GORASP2: variants seen among roughly 807,000 people sequenced by gnomAD.
GORASP2 encodes the protein golgi reassembly stacking protein 2.
Under a neutral mutation model 45.7 loss-of-function variants are expected in GORASP2, and 22 were observed. That is an observed-to-expected ratio of 0.48 (90% CI 0.34 to 0.69). GORASP2 has a LOEUF of 0.69. Ranked by LOEUF, GORASP2 falls within the 30% of genes least tolerant of loss-of-function variation. GORASP2 has a pLI of 0.01. For synonymous variants in GORASP2, 221 were observed against 215.6 expected (o/e 1.02, Z -0.22); for missense variants, 491 against 562.7 (o/e 0.87, Z 1.29).
rs568785435 is a variant in GORASP2 at position 170,964,239 on chromosome 2, AGCACCATG to A, written c.1018+1295_1018+1302del. Among the ~76,000 whole-genome samples, 61 of 152,360 alleles carry A rather than the reference AGCACCATG, an allele frequency of 4.0e-4. No homozygotes were observed. In the South Asian group the frequency reaches 0.012, roughly 30 times the overall value. ...CAGTGATGTCAGTGAATGATCTTAC[AGCACCATG>A]GTGTGCATCGTCACCATCTTGTTTC... On this transcript the variant is annotated intron_variant, in intron 9 of 9. Transcript: ENST00000234160.
At chr2:170,949,812 G>A in intron 3 of GORASP2, 70 bp downstream of exon 3, 2 of 1,266,638 alleles carry the variant, frequency 1.6e-6, no homozygotes, top group Non-Finnish European at 2.3e-6. Context: ...AACAATGGTT[G>A]TTTCTGGCTT....
intron 9 of GORASP2, among the ~76,000 whole-genome samples, chr2:170,965,072 G>A (rs935958220): frequency 9.3e-5 from 14 of 151,250 alleles, no homozygotes; most frequent in Admixed American, 4.0e-4. Context: ...CACCACGCCC[G>A]GCTAATTTTT....
chr2:170,929,635 G>C, intron 1 of GORASP2: 1 of 614,332 alleles, frequency 1.6e-6, no homozygotes. Flanking sequence ...GCTGGAGCTG[G>C]AGGCGGCTGC....
chr2:170,934,525 T>C (rs1183743469), intron 1 of GORASP2, among the ~76,000 whole-genome samples: 1 of 152,084 alleles, frequency 6.6e-6, no homozygotes, highest in Non-Finnish European at 1.5e-5. Context: ...CTCCGACAAG[T>C]GCTGGGATTA....
At chr2:170,964,684 G>C (rs960114170) in intron 9 of GORASP2, among the ~76,000 whole-genome samples, 2 of 151,896 alleles carry the variant, frequency 1.3e-5, no homozygotes, top group African/African-American at 4.8e-5. Context: ...TGAAGTACTA[G>C]TAGTAGTCAA....
At position 170,951,321 on chromosome 2, in the gene GORASP2, T is replaced by G; in HGVS notation, c.436-7T>G. On this transcript the variant is annotated splice_polypyrimidine_tract_variant and splice_region_variant and intron_variant, in intron 4 of 9. Coordinates refer to ENST00000234160, the MANE Select transcript of GORASP2 (RefSeq NM_015530.5). ...GTGAAACATTTTCTCCTGTGACACT[T>G]TTGCAGTCTGAAGATCTATTCAGCC... is the stretch of plus-strand genomic sequence containing the variant. 6.3e-7 allele frequency: 1 copy of G among 1,591,394 alleles called. No homozygotes were observed. Among genetic ancestry groups the G allele is most frequent in the Non-Finnish European group, 8.5e-7 (1 of 1,171,510 alleles).
At chr2:170,956,966 A>G (rs1476039296) in intron 7 of GORASP2, among the ~76,000 whole-genome samples, 1 of 152,210 alleles carries the variant, frequency 6.6e-6, no homozygotes, top group Non-Finnish European at 1.5e-5. Flanking sequence ...TAAAAAATTA[A>G]TGCCAGTGTA....
At chr2:170,965,262 A>G (rs941430652) in intron 9 of GORASP2, among the ~76,000 whole-genome samples, 1 of 152,140 alleles carries the variant, frequency 6.6e-6, no homozygotes, top group African/African-American at 2.4e-5. Context: ...TAATATAAAT[A>G]GTTATCAATC....
At chr2:170,936,583 C>T (rs1425579018) in intron 1 of GORASP2, 1 of 1,221,452 alleles carries the variant, frequency 8.2e-7, no homozygotes, top group Non-Finnish European at 1.1e-6. Context: ...TTTACTGTAG[C>T]ATGAAGATAA....
intron 1 of GORASP2, chr2:170,929,914 A>G (rs781693388): frequency 5.3e-6 from 2 of 377,460 alleles, no homozygotes; most frequent in Non-Finnish European, 1.1e-5. Flanking sequence ...CCAGCAGGGC[A>G]GGAGACGGAA....
chr2:170,955,924 A>G (rs1413647642), intron 6 of GORASP2, among the ~76,000 whole-genome samples: 1 of 152,228 alleles, frequency 6.6e-6, no homozygotes, highest in African/African-American at 2.4e-5. Context: ...CTTCTCCTGA[A>G]AAGTGGAGAT....
intron 6 of GORASP2, 56 bp from the exon 7 acceptor site, chr2:170,956,380 A>G (rs1284576715): frequency 3.4e-6 from 5 of 1,491,074 alleles, no homozygotes; most frequent in Non-Finnish European, 4.5e-6. Context: ...CAATATTTAT[A>G]TTTTCTTTGA....
At chr2:170,965,320 G>A (rs754047432) in intron 9 of GORASP2, among the ~76,000 whole-genome samples, 1 of 152,224 alleles carries the variant, frequency 6.6e-6, no homozygotes. Flanking sequence ...ACAGTGGAAA[G>A]GGCGAGAATC....
intron 1 of GORASP2, among the ~76,000 whole-genome samples, chr2:170,945,802 A>C (rs1704169438): frequency 6.6e-6 from 1 of 152,198 alleles, no homozygotes; most frequent in Non-Finnish European, 1.5e-5. Flanking sequence ...TATTAGAAGG[A>C]TGTATTTTAG....
chr2:170,949,553 C>T lies in GORASP2; in HGVS notation c.159C>T (p.Asp53=), dbSNP rs900328815. ...TGTGTTCACAGAATAAAGACAATGA[C>T]ACTCTTAAGGATCTGCTGAAAGCAA... ...INGSRLNKDN[D]TLKDLLKANV... Residue 53 remains aspartate, a synonymous_variant, in exon 3 of 10, where the codon GAC becomes GAT. Coordinates refer to ENST00000234160, the MANE Select transcript of GORASP2 (RefSeq NM_015530.5). 3 of 1,612,624 alleles carry T rather than the reference C, an allele frequency of 1.9e-6. No homozygotes were observed. In the African/African-American group the frequency reaches 4.0e-5, roughly 22 times the overall value.
Position 170,941,089 on chromosome 2 carries a change from G to C in GORASP2, c.64-7261G>C, listed in dbSNP as rs997509422. On this transcript the variant is annotated intron_variant, in intron 1 of 9. Coordinates refer to ENST00000234160, the MANE Select transcript of GORASP2 (RefSeq NM_015530.5). ...AAAACTGTCTAGCAAATATCATCTTGTTTATTGCAGCCGTTTTTTCTAGAA... is the reference window on the plus strand; with the variant it reads ...AAAACTGTCTAGCAAATATCATCTTCTTTATTGCAGCCGTTTTTTCTAGAA... Among the ~76,000 whole-genome samples, 5 of 152,012 alleles carry C rather than the reference G, an allele frequency of 3.3e-5. No individual in the cohort carries two copies. The East Asian group carries it at 9.6e-4, about 29-fold the overall frequency.
intron 1 of GORASP2, among the ~76,000 whole-genome samples, chr2:170,933,142 G>A (rs1237683065): frequency 6.6e-6 from 1 of 151,278 alleles, no homozygotes; most frequent in Non-Finnish European, 1.5e-5. Context: ...TTTTAAAAAA[G>A]AAGTGGACTC....
chr2:170,953,239 C>G (rs773971256), intron 5 of GORASP2, among the ~76,000 whole-genome samples: 1 of 151,924 alleles, frequency 6.6e-6, no homozygotes, highest in South Asian at 2.1e-4. Flanking sequence ...ACCTATAGTC[C>G]CAGCTACTCA....
intron 1 of GORASP2, among the ~76,000 whole-genome samples, chr2:170,931,781 G>T (rs1026698554): frequency 6.6e-6 from 1 of 152,276 alleles, no homozygotes; most frequent in East Asian, 1.9e-4. Flanking sequence ...GTTCTGCTAT[G>T]AGCAGTGTAG....
Sources: gnomAD v4.1 joint callset for allele counts (sites outside exome capture counted in the v4.1 genomes callset) on GRCh38, gnomAD v4.1.1 for gene constraint, MANE v1.5 for transcripts, NCBI Gene and HGNC (gene_info 2026-07-23, HGNC 2026-07-21) for gene names.